The following CNBD1 variants were observed in gnomAD, a reference collection of about 807,000 sequenced individuals.
The protein encoded by CNBD1 is cyclic nucleotide binding domain containing 1, also known as cyclic nucleotide-binding domain-containing protein 1.
A neutral mutation model predicts 54.4 loss-of-function variants in CNBD1; 71 were observed. That is an observed-to-expected ratio of 1.30 (90% confidence interval 1.08 to 1.59). The LOEUF (loss-of-function observed/expected upper bound fraction) is 1.59, where lower values mean the gene tolerates loss of function less well. Among genes scored for constraint, CNBD1 ranks in the 40% most tolerant of loss-of-function variants. The probability of loss-of-function intolerance (pLI) is 0.00; values close to 1 mark genes in which losing one functional copy is unlikely to be tolerated. For synonymous variants in CNBD1, 182 were observed against 170.7 expected (o/e 1.07, Z -0.51); for missense variants, 659 against 518.0 (o/e 1.27, Z -2.64).
intron 4 of CNBD1, among the ~76,000 whole-genome samples, chr8:87,188,820 CTTT>C (rs33963727): frequency 6.1e-4 from 78 of 128,568 alleles, no homozygotes; most frequent in African/African-American, 8.9e-4. Flanking sequence ...AGTAAAGCGT[CTTT>C]TTTTTTTTTT....
At chr8:86,936,261 C>T (rs555785283) in intron 3 of CNBD1, among the ~76,000 whole-genome samples, 5 of 152,030 alleles carry the variant, frequency 3.3e-5, no homozygotes, top group Admixed American at 6.6e-5. Flanking sequence ...TAGCTTATTA[C>T]TAAAGAAAAA....
chr8:87,167,739 C>T (rs1315868292), intron 4 of CNBD1, among the ~76,000 whole-genome samples: 1 of 151,706 alleles, frequency 6.6e-6, no homozygotes, highest in Non-Finnish European at 1.5e-5. Context: ...GTTTTATTTT[C>T]CACTTGGATC....
chr8:87,141,128 A>C (rs185541738), intron 4 of CNBD1, among the ~76,000 whole-genome samples: 1 of 152,302 alleles, frequency 6.6e-6, no homozygotes, highest in East Asian at 1.9e-4. Context: ...ATTTTGTAGA[A>C]TCAATTTACT....
chr8:87,303,103 C>G (rs1809048435), intron 8 of CNBD1, among the ~76,000 whole-genome samples: 1 of 151,982 alleles, frequency 6.6e-6, no homozygotes, highest in African/African-American at 2.4e-5. Context: ...ATCAAGCTAC[C>G]AATGATTTTC....
chr8:86,886,571 G>A (rs1412682037), intron 1 of CNBD1, among the ~76,000 whole-genome samples: 6 of 151,960 alleles, frequency 3.9e-5, no homozygotes, highest in African/African-American at 1.4e-4. Flanking sequence ...ATTTGTTATT[G>A]GTGATTAATC....
intron 4 of CNBD1, among the ~76,000 whole-genome samples, chr8:87,149,391 C>T (rs1034469860): frequency 1.8e-4 from 27 of 152,078 alleles, no homozygotes; most frequent in Middle Eastern, 3.4e-3. Flanking sequence ...TGTGTTGTCA[C>T]GTGATTGGAA....
At chr8:87,308,387 G>A (rs1289942500) in intron 8 of CNBD1, among the ~76,000 whole-genome samples, 2 of 152,148 alleles carry the variant, frequency 1.3e-5, no homozygotes, top group African/African-American at 2.4e-5. Flanking sequence ...GCAGCTCTCA[G>A]AATTAGTTAA....
At chr8:87,087,512 G>A (rs1563463528) in intron 4 of CNBD1, among the ~76,000 whole-genome samples, 1 of 142,454 alleles carries the variant, frequency 7.0e-6, no homozygotes, top group Admixed American at 7.3e-5. Flanking sequence ...CGCCCAGGCT[G>A]GAGTGCAGTG....
intron 4 of CNBD1, among the ~76,000 whole-genome samples, chr8:86,993,418 C>T (rs1268817419): frequency 6.6e-6 from 1 of 152,128 alleles, no homozygotes; most frequent in East Asian, 1.9e-4. Context: ...TCTCAATGGG[C>T]TTCCTTTTCT....
At chr8:87,133,783 C>A (rs1373864053) in intron 4 of CNBD1, among the ~76,000 whole-genome samples, 1 of 151,260 alleles carries the variant, frequency 6.6e-6, no homozygotes, top group African/African-American at 2.4e-5. Flanking sequence ...TTCAGGCAAT[C>A]AAAACTCATT....
intron 3 of CNBD1, among the ~76,000 whole-genome samples, chr8:86,908,278 A>C (rs998076801): frequency 7.2e-5 from 11 of 152,234 alleles, no homozygotes; most frequent in Non-Finnish European, 1.5e-4. Flanking sequence ...TCATTATTTA[A>C]AATTTATTTT....
intron 4 of CNBD1, among the ~76,000 whole-genome samples, chr8:87,108,072 CCTT>C (rs536851251): frequency 6.6e-6 from 1 of 152,224 alleles, no homozygotes; most frequent in South Asian, 2.1e-4. Flanking sequence ...GAGGGATTCT[CCTT>C]CTCTCCATTA....
At chr8:87,164,913 T>C (rs748194179) in intron 4 of CNBD1, among the ~76,000 whole-genome samples, 21 of 151,902 alleles carry the variant, frequency 1.4e-4, no homozygotes, top group Non-Finnish European at 2.9e-4. Flanking sequence ...TATGCATTGA[T>C]AGCTACTATT....
intron 1 of CNBD1, among the ~76,000 whole-genome samples, chr8:86,869,892 G>A (rs970887357): frequency 2.0e-5 from 3 of 151,902 alleles, no homozygotes; most frequent in Non-Finnish European, 2.9e-5. Flanking sequence ...GTCCTTCACC[G>A]TTTGGTTTAT....
At chr8:87,327,676 A>G (rs904322090) in intron 8 of CNBD1, among the ~76,000 whole-genome samples, 1 of 152,014 alleles carries the variant, frequency 6.6e-6, no homozygotes, top group Non-Finnish European at 1.5e-5. Context: ...CCCGGTGCGC[A>G]CACCCACTGA....
intron 2 of CNBD1, among the ~76,000 whole-genome samples, chr8:87,407,554 C>A (rs2130982125): frequency 6.6e-6 from 1 of 152,082 alleles, no homozygotes; most frequent in East Asian, 1.9e-4. Context: ...ATATATTCAG[C>A]TTTAGTACAT....
intron 8 of CNBD1, among the ~76,000 whole-genome samples, chr8:87,321,782 G>A (rs1466293423): frequency 1.4e-5 from 2 of 141,134 alleles, no homozygotes; most frequent in African/African-American, 5.2e-5. Context: ...AATGTCATCA[G>A]GCTTTTTTCT....
At chr8:86,940,418 C>T (rs771558890) in intron 4 of CNBD1, among the ~76,000 whole-genome samples, 20 of 152,088 alleles carry the variant, frequency 1.3e-4, no homozygotes, top group Non-Finnish European at 2.6e-4. Flanking sequence ...CTGCCTGCCT[C>T]GGCCTCCCTC....
chr8:86,956,346 A>C (rs1198458200), intron 4 of CNBD1, among the ~76,000 whole-genome samples: 2 of 152,166 alleles, frequency 1.3e-5, no homozygotes, highest in East Asian at 1.9e-4. Context: ...ACTTTAAAGT[A>C]GTTTTTTCCA....
Sources: gnomAD v4.1 joint callset for allele counts (sites outside exome capture counted in the v4.1 genomes callset) on GRCh38, gnomAD v4.1.1 for gene constraint, MANE v1.5 for transcripts, NCBI Gene and HGNC (gene_info 2026-07-23, HGNC 2026-07-21) for gene names.